PBX1: variants seen among roughly 807,000 people sequenced by gnomAD.
PBX1 encodes pre-B-cell leukemia transcription factor 1.
Under a neutral mutation model 53.4 loss-of-function variants are expected in PBX1, and 6 were observed. The ratio of observed to expected loss-of-function variants is 0.11; its 90% confidence interval spans 0.06 to 0.22. The LOEUF is 0.22. Among genes scored for constraint, PBX1 ranks in the 10% least tolerant of loss-of-function variants. PBX1 has a pLI of 1.00. For synonymous variants in PBX1, 204 were observed against 212.3 expected (o/e 0.96, Z 0.34); for missense variants, 251 against 551.4 (o/e 0.46, Z 5.46).
intron 2 of PBX1, among the ~76,000 whole-genome samples, chr1:164,691,644 C>T (rs1662495007): frequency 6.6e-6 from 1 of 152,140 alleles, no homozygotes; most frequent in African/African-American, 2.4e-5. Flanking sequence ...TTGCAGGCAA[C>T]CTTGGCTTTT....
intron 2 of PBX1, among the ~76,000 whole-genome samples, chr1:164,651,244 G>C (rs997219699): frequency 1.4e-5 from 2 of 147,908 alleles, no homozygotes; most frequent in Non-Finnish European, 2.9e-5. Context: ...GGAGGGGGTG[G>C]TGGAGGCTGT....
intron 8 of PBX1, chr1:164,831,434 G>A (rs1217452253): frequency 1.3e-5 from 2 of 152,070 alleles, no homozygotes; most frequent in Non-Finnish European, 2.9e-5. Flanking sequence ...TGTCACCCAG[G>A]TTGGAGTGCA....
chr1:164,716,392 G>A (rs1429654681), intron 2 of PBX1, among the ~76,000 whole-genome samples: 1 of 152,188 alleles, frequency 6.6e-6, no homozygotes, highest in African/African-American at 2.4e-5. Context: ...GCCCAAGGCA[G>A]AATGAGCAGA....
intron 2 of PBX1, among the ~76,000 whole-genome samples, chr1:164,589,750 G>A (rs1207886823): frequency 6.6e-6 from 1 of 152,186 alleles, no homozygotes; most frequent in Non-Finnish European, 1.5e-5. Context: ...TCTGATTCCT[G>A]TTCCTAAGAT....
rs1248372203 is a variant in PBX1 at position 164,567,363 on chromosome 1, T to C, written c.265+4052T>C. 1.3e-5 allele frequency among the ~76,000 whole-genome samples: 2 copies of C among 152,162 alleles called. 1 individual carries two copies. The highest frequency in any genetic ancestry group is 4.8e-5 in the African/African-American group (2 of 41,434). ...TGGGGTTGAAGTGGTAGGAGTCATTTTTGTAGAAGGTCATCGATAGCCAGC... is the reference window on the plus strand; with the variant it reads ...TGGGGTTGAAGTGGTAGGAGTCATTCTTGTAGAAGGTCATCGATAGCCAGC... On this transcript the variant is annotated intron_variant, in intron 2 of 8. Coordinates refer to ENST00000420696, the MANE Select transcript of PBX1 (RefSeq NM_002585.4).
rs117388017 is a variant in PBX1 at position 164,704,845 on chromosome 1, A to G, written c.266-87649A>G. Among the ~76,000 whole-genome samples the G allele has an allele frequency of 1.4e-3, 212 of 152,348 alleles. 6 individuals are homozygous for G. The East Asian group carries it at 0.028, about 20-fold the overall frequency. On this transcript the variant is annotated intron_variant, in intron 2 of 8. Transcript: ENST00000420696. ...CTCAGTGTGTGGGTATAATGCAAGTACAAGTGTTAGGTTTTAAGAGCATAT... is the reference window on the plus strand; with the variant it reads ...CTCAGTGTGTGGGTATAATGCAAGTGCAAGTGTTAGGTTTTAAGAGCATAT...
chr1:164,837,532 G>T (rs1671100106), intron 8 of PBX1, among the ~76,000 whole-genome samples: 1 of 152,146 alleles, frequency 6.6e-6, no homozygotes, highest in Non-Finnish European at 1.5e-5. Context: ...TGGAAATTAT[G>T]CATGTTGTCG....
chr1:164,604,587 G>T (rs1365526593), intron 2 of PBX1, among the ~76,000 whole-genome samples: 1 of 152,142 alleles, frequency 6.6e-6, no homozygotes, highest in Non-Finnish European at 1.5e-5. Flanking sequence ...TTTTTATTCT[G>T]TCCTGAGAGC....
At chr1:164,590,147 G>C (rs1655263066) in intron 2 of PBX1, among the ~76,000 whole-genome samples, 1 of 151,988 alleles carries the variant, frequency 6.6e-6, no homozygotes, top group African/African-American at 2.4e-5. Flanking sequence ...GGGAGGTCAA[G>C]GCTGCAGTGA....
chr1:164,654,595 A>C (rs972593727), intron 2 of PBX1, among the ~76,000 whole-genome samples: 47 of 152,208 alleles, frequency 3.1e-4, no homozygotes, highest in African/African-American at 1.1e-3. Flanking sequence ...ATCCCTGGTG[A>C]TATCTGTACT....
intron 2 of PBX1, among the ~76,000 whole-genome samples, chr1:164,589,400 T>TA (rs1219373252): frequency 1.3e-5 from 2 of 152,144 alleles, no homozygotes; most frequent in African/African-American, 4.8e-5. Context: ...CAGAAAATGA[T>TA]ACCTGTGGTG....
chr1:164,568,685 C>G (rs1653606777), intron 2 of PBX1, among the ~76,000 whole-genome samples: 1 of 152,166 alleles, frequency 6.6e-6, no homozygotes, highest in South Asian at 2.1e-4. Context: ...CTGCATTTCA[C>G]TCTTTCAGGC....
chr1:164,684,799 C>T (rs1335514826), intron 2 of PBX1: 5 of 152,182 alleles, frequency 3.3e-5, no homozygotes, highest in African/African-American at 9.7e-5. Flanking sequence ...CTGTGTTTGA[C>T]GATAGCACTT....
At chr1:164,809,654 C>A (rs1669513403) in intron 5 of PBX1, among the ~76,000 whole-genome samples, 1 of 152,126 alleles carries the variant, frequency 6.6e-6, no homozygotes, top group African/African-American at 2.4e-5. Context: ...CAGGGAATAC[C>A]TCTTGGGCTG....
At chr1:164,589,892 C>T (rs1273799503) in intron 2 of PBX1, among the ~76,000 whole-genome samples, 1 of 152,166 alleles carries the variant, frequency 6.6e-6, no homozygotes, top group East Asian at 1.9e-4. Flanking sequence ...TCTTAATGCT[C>T]ACACGGAGCC....
chr1:164,706,745 A>T (rs1663447212), intron 2 of PBX1, among the ~76,000 whole-genome samples: 1 of 152,218 alleles, frequency 6.6e-6, no homozygotes, highest in Admixed American at 6.5e-5. Flanking sequence ...AAACAGTCTG[A>T]GTCAGGCACA....
At chr1:164,778,775 T>C (rs1667792119) in intron 2 of PBX1, among the ~76,000 whole-genome samples, 2 of 152,194 alleles carry the variant, frequency 1.3e-5, no homozygotes, top group South Asian at 2.1e-4. Flanking sequence ...AAAGTCCACA[T>C]TGGCCTTCAT....
intron 8 of PBX1, chr1:164,829,350 G>T (rs1401866767): frequency 2.0e-5 from 3 of 152,178 alleles, no homozygotes; most frequent in Non-Finnish European, 4.4e-5. Context: ...TAGATTTTGT[G>T]AGTGACTAGC....
intron 2 of PBX1, among the ~76,000 whole-genome samples, chr1:164,677,196 C>T (rs1661483090): frequency 6.6e-6 from 1 of 151,040 alleles, no homozygotes; most frequent in African/African-American, 2.4e-5. Flanking sequence ...GGGTTCACGC[C>T]ATTCTCCTGC....
Sources: gnomAD v4.1 joint callset for allele counts (sites outside exome capture counted in the v4.1 genomes callset) on GRCh38, gnomAD v4.1.1 for gene constraint, MANE v1.5 for transcripts, NCBI Gene and HGNC (gene_info 2026-07-23, HGNC 2026-07-21) for gene names.